SPON1: variants seen among roughly 807,000 people sequenced by gnomAD.
SPON1 encodes spondin 1.
Under a neutral mutation model 111.7 loss-of-function variants are expected in SPON1, and 52 were observed. That is an observed-to-expected ratio of 0.47 (90% CI 0.37 to 0.59). The LOEUF is 0.59. SPON1 is among the 20% of genes least tolerant of loss of function. The pLI is 0.00. For missense variants in SPON1, 957 were observed against 1,068.5 expected, an observed-to-expected ratio of 0.90 and a Z score of 1.46; for synonymous variants, 410 against 395.8, an observed-to-expected ratio of 1.04 and a Z score of -0.43.
intron 6 of SPON1, among the ~76,000 whole-genome samples, chr11:14,190,925 C>A (rs1055084411): frequency 6.6e-6 from 1 of 152,052 alleles, no homozygotes; most frequent in Non-Finnish European, 1.5e-5. Context: ...AGGCATGAGC[C>A]ACCACGCCCA....
chr11:14,235,678 CAAAAAAAAAAAAAAA>C (rs56925967), intron 6 of SPON1, among the ~76,000 whole-genome samples: 8 of 71,384 alleles, frequency 1.1e-4, no homozygotes, highest in Admixed American at 4.0e-4. Flanking sequence ...GACCCTGCCT[CAAAAAAAAAAAAAAA>C]AAAAAAAAAA....
intron 6 of SPON1, among the ~76,000 whole-genome samples, chr11:14,197,406 T>G (rs1201624135): frequency 6.6e-6 from 1 of 151,966 alleles, no homozygotes; most frequent in African/African-American, 2.4e-5. Context: ...TCAGAAGTAT[T>G]GACTGCAGCA....
intron 6 of SPON1, among the ~76,000 whole-genome samples, chr11:14,165,375 CAGG>C (rs1415552172): frequency 6.6e-6 from 1 of 152,146 alleles, no homozygotes; most frequent in African/African-American, 2.4e-5. Context: ...TTTCTGCTGA[CAGG>C]AGATGTAGTG....
rs138064429 is a variant in SPON1, at chr11:14,228,833, G to T, written c.826-14499G>T. Among the ~76,000 whole-genome samples, 3 of 152,304 alleles carry T rather than the reference G, an allele frequency of 2.0e-5. No homozygotes were observed. The highest frequency in any genetic ancestry group is 4.4e-5 in the Non-Finnish European group (3 of 68,034). On this transcript the variant is annotated intron_variant, in intron 6 of 15. Transcript: ENST00000576479. This position sits in a 1 kb window ranked among gnomAD's most constrained non-coding sequence, Gnocchi z 4.2. The stretch of plus-strand genomic sequence containing the variant: ...ACAAATGCATCCCAGCCACTGAACT[G>T]CCTGGTGATGCTTGACTAGATCTTT...
At chr11:14,229,942 CTG>C (rs1257913912) in intron 6 of SPON1, among the ~76,000 whole-genome samples, 26 of 133,996 alleles carry the variant, frequency 1.9e-4, no homozygotes, top group South Asian at 2.5e-4. Flanking sequence ...GTCTGTCTGT[CTG>C]TGTGTCCGTG....
rs10693313 is a variant in SPON1 at position 14,079,696 on chromosome 11, T to TC, written c.554-203_554-202insC. Reference sequence around the variant, plus strand: ...AATTTATTAGGGAAAAAGCTCTCTTTTTTTTTTTCAAAATATTACCATACT... The same window carrying TC: ...AATTTATTAGGGAAAAAGCTCTCTTTCTTTTTTTTCAAAATATTACCATACT... On this transcript the variant is annotated intron_variant, in intron 4 of 15. Transcript: ENST00000576479. Among the ~76,000 whole-genome samples the TC allele has an allele frequency of 6.1e-3, 922 of 152,130 alleles. 1 individual carries two copies. The highest frequency in any genetic ancestry group is 9.2e-3 in the Non-Finnish European group (628 of 68,000).
intron 5 of SPON1, among the ~76,000 whole-genome samples, chr11:14,090,049 G>T (rs1849037208): frequency 6.6e-6 from 1 of 152,132 alleles, no homozygotes; most frequent in African/African-American, 2.4e-5. Context: ...CTGGCAGTAA[G>T]AATTTCAAGC....
chr11:14,044,631 T>C (rs1246018025), intron 3 of SPON1, among the ~76,000 whole-genome samples: 3 of 152,002 alleles, frequency 2.0e-5, no homozygotes, highest in Non-Finnish European at 2.9e-5. Context: ...AACAAACAAA[T>C]AAAATCCATA....
intron 1 of SPON1, among the ~76,000 whole-genome samples, chr11:13,980,318 G>A (rs1554909462): frequency 6.6e-6 from 1 of 152,218 alleles, no homozygotes; most frequent in Non-Finnish European, 1.5e-5. Flanking sequence ...TGGGATTACA[G>A]GCATGAGCTG....
chr11:13,974,757 C>G lies in SPON1; in HGVS notation c.239-8090C>G, dbSNP rs1029645365. On this transcript the variant is annotated intron_variant, in intron 1 of 15. Coordinates refer to ENST00000576479, the MANE Select transcript of SPON1 (RefSeq NM_006108.4). ...TAAATCTGAATATGAAATGTCCTAG[C>G]GCAAGCCCTTCAGTACTGCCTCATC... 2.0e-5 allele frequency among the ~76,000 whole-genome samples: 3 copies of G among 152,184 alleles called. No individual in the cohort carries two copies. The South Asian group carries it at 6.2e-4, about 32-fold the overall frequency.
intron 2 of SPON1, among the ~76,000 whole-genome samples, chr11:13,986,409 C>T (rs868911972): frequency 3.3e-5 from 5 of 152,092 alleles, no homozygotes; most frequent in East Asian, 1.9e-4. Context: ...TTGTTGGATA[C>T]GTATGATATT....
chr11:14,262,226 C>T (rs183536191), intron 14 of SPON1, among the ~76,000 whole-genome samples: 1 of 152,282 alleles, frequency 6.6e-6, no homozygotes, highest in Non-Finnish European at 1.5e-5. Flanking sequence ...TGAAAAGCTG[C>T]CAGGGTGTGT....
At chr11:14,225,568 A>C (rs1421890630) in intron 6 of SPON1, among the ~76,000 whole-genome samples, 1 of 152,218 alleles carries the variant, frequency 6.6e-6, no homozygotes, top group Non-Finnish European at 1.5e-5. Context: ...GAAGACGTGA[A>C]TAGTCTTGAG....
chr11:14,215,814 G>A (rs782790892), intron 6 of SPON1, among the ~76,000 whole-genome samples: 6 of 152,154 alleles, frequency 3.9e-5, no homozygotes, highest in Non-Finnish European at 8.8e-5. Context: ...ACAGGCTGGT[G>A]GTCTATTTCT....
intron 3 of SPON1, among the ~76,000 whole-genome samples, chr11:14,057,844 C>CAAAA (rs1277903384): frequency 2.4e-5 from 3 of 125,528 alleles, no homozygotes; most frequent in South Asian, 3.0e-4. Context: ...AAAAAAAAAA[C>CAAAA]AAAACAAAAA....
At chr11:14,034,795 C>G (rs1282294808) in intron 2 of SPON1, among the ~76,000 whole-genome samples, 2 of 152,166 alleles carry the variant, frequency 1.3e-5, no homozygotes, top group African/African-American at 4.8e-5. Context: ...TATCAAAGGT[C>G]CAGTGATATG....
rs9667586 is a variant in SPON1, at chr11:14,234,989, G to T, written c.826-8343G>T. 6.0e-3 allele frequency among the ~76,000 whole-genome samples: 908 copies of T among 152,294 alleles called. 12 individuals are homozygous for T. Among genetic ancestry groups the T allele is most frequent in the African/African-American group, 0.02 (843 of 41,560 alleles). On this transcript the variant is annotated intron_variant, in intron 6 of 15. Transcript: ENST00000576479. Reference sequence around the variant, plus strand: ...TAGAATGAGCACTTATGAACGGCCAGCCAGCCCACCTGAGCCAGGTTCAGA... The same window carrying T: ...TAGAATGAGCACTTATGAACGGCCATCCAGCCCACCTGAGCCAGGTTCAGA...
intron 6 of SPON1, among the ~76,000 whole-genome samples, chr11:14,206,296 C>A (rs1225461423): frequency 6.6e-6 from 1 of 152,020 alleles, no homozygotes; most frequent in East Asian, 1.9e-4. Context: ...CAGGTTCAAG[C>A]GATTCTTCTG....
At chr11:13,986,778 T>C (rs1236418718) in intron 2 of SPON1, among the ~76,000 whole-genome samples, 2 of 152,148 alleles carry the variant, frequency 1.3e-5, no homozygotes, top group African/African-American at 2.4e-5. Context: ...GTGTTCTCAT[T>C]GTTCAACTCC....
Sources: gnomAD v4.1 joint callset for allele counts (sites outside exome capture counted in the v4.1 genomes callset) on GRCh38, gnomAD v4.1.1 for gene constraint, Gnocchi (gnomAD v3.1) non-coding constraint, MANE v1.5 for transcripts, NCBI Gene and HGNC (gene_info 2026-07-23, HGNC 2026-07-21) for gene names.